Variants in KCNQ1 observed in about 807,000 individuals in gnomAD.
KCNQ1 encodes potassium voltage-gated channel subfamily KQT member 1.
In KCNQ1, 49 loss-of-function variants were observed where a neutral mutation model predicts 72.4. That is an observed-to-expected ratio of 0.68 (90% confidence interval 0.54 to 0.86). The LOEUF (loss-of-function observed/expected upper bound fraction) is 0.86. KCNQ1 is among the 40% of genes least tolerant of loss of function. The probability of loss-of-function intolerance (pLI) is 0.00; values close to 1 mark genes in which losing one functional copy is unlikely to be tolerated. For synonymous variants in KCNQ1, 450 were observed against 412.6 expected, an observed-to-expected ratio of 1.09 and a Z score of -1.10; for missense variants, 790 against 945.1, an observed-to-expected ratio of 0.84 and a Z score of 2.15.
In KCNQ1 at chr11:2,627,533, T is replaced by C; in HGVS notation, c.1394-34428T>C. Reference sequence around the variant, plus strand: ...TTCAAGCTTTTTAGAATTCCATATGTAACTGGGATAGTGCAGTATTTGTCT... The same window carrying C: ...TTCAAGCTTTTTAGAATTCCATATGCAACTGGGATAGTGCAGTATTTGTCT... On this transcript the variant is annotated intron_variant, in intron 10 of 15. Coordinates refer to ENST00000155840, the MANE Select transcript of KCNQ1 (RefSeq NM_000218.3). The surrounding 1 kb of genome is among the most constrained non-coding windows in gnomAD (Gnocchi z 4.9). 2 of 398,580 alleles carry C rather than the reference T, an allele frequency of 5.0e-6. No individual in the cohort carries two copies. The highest frequency in any genetic ancestry group is 8.8e-6 in the Non-Finnish European group (2 of 226,044). 24.7% of individuals were successfully genotyped at this position (398,580 alleles called of 1,614,324 possible). A position where few individuals can be genotyped will look rare whatever the true frequency, so the allele number is the denominator to read the frequency against.
At chr11:2,634,128 C>G (rs1225988946) in intron 10 of KCNQ1, 1 of 339,918 alleles carries the variant, frequency 2.9e-6, no homozygotes, top group Non-Finnish European at 4.9e-6. Flanking sequence ...TGAAGATTGT[C>G]TTTGGTATTT....
At chr11:2,667,174 T>G in intron 11 of KCNQ1, 1 of 398,706 alleles carries the variant, frequency 2.5e-6, no homozygotes. Context: ...GCTTCCAGCC[T>G]GCCATCAGCC....
At chr11:2,568,988 G>A (rs926657883) in intron 2 of KCNQ1, among the ~76,000 whole-genome samples, 22 of 152,252 alleles carry the variant, frequency 1.4e-4, no homozygotes, top group African/African-American at 4.1e-4. Flanking sequence ...GAGTTCAAGC[G>A]ATTCTCCTGC....
chr11:2,740,143 C>T (rs1846027167), intron 11 of KCNQ1, among the ~76,000 whole-genome samples: 1 of 151,998 alleles, frequency 6.6e-6, no homozygotes, highest in Non-Finnish European at 1.5e-5. Context: ...CCATGAGAAA[C>T]GTTAGAACTT....
At chr11:2,542,371 G>A (rs1204681296) in intron 2 of KCNQ1, among the ~76,000 whole-genome samples, 3 of 152,234 alleles carry the variant, frequency 2.0e-5, no homozygotes, top group African/African-American at 4.8e-5. Context: ...CCAAAGGCGC[G>A]CTAATTGCGA....
At position 2,559,238 on chromosome 11, in the gene KCNQ1, C is replaced by G. The variant is rs977102227; in HGVS notation, c.478-11390C>G. 6.6e-6 allele frequency among the ~76,000 whole-genome samples: 1 copy of G among 152,130 alleles called. No individual in the cohort carries two copies. Among genetic ancestry groups the G allele is most frequent in the African/African-American group, 2.4e-5 (1 of 41,434 alleles). Reference sequence around the variant, plus strand: ...TCCCGGGAAGCCCGTGGAGAGGATGCATTCGACACCCAAGGCCTTATGGAA... The same window carrying G: ...TCCCGGGAAGCCCGTGGAGAGGATGGATTCGACACCCAAGGCCTTATGGAA... On this transcript the variant is annotated intron_variant, in intron 2 of 15. Coordinates refer to ENST00000155840, the MANE Select transcript of KCNQ1 (RefSeq NM_000218.3). The surrounding 1 kb of genome is among the most constrained non-coding windows in gnomAD (Gnocchi z 4.9).
chr11:2,575,073 C>T (rs1391465825), intron 6 of KCNQ1, among the ~76,000 whole-genome samples: 4 of 152,186 alleles, frequency 2.6e-5, no homozygotes, highest in African/African-American at 4.8e-5. Flanking sequence ...CTGGCCCCGG[C>T]ACGGCTGATA....
At position 2,848,393 on chromosome 11, in the gene KCNQ1, A is replaced by G; in HGVS notation, c.*390A>G. 1 of 493,808 alleles carries G rather than the reference A, an allele frequency of 2.0e-6. No homozygotes were observed. Among genetic ancestry groups the G allele is most frequent in the Non-Finnish European group, 3.9e-6 (1 of 253,172 alleles). The allele number at this position is 493,808 out of a possible 1,614,324, so 30.6% of individuals were successfully genotyped here. A position where few individuals can be genotyped will look rare whatever the true frequency, so the allele number is the denominator to read the frequency against. On this transcript the variant is annotated 3_prime_UTR_variant, in exon 16 of 16. Transcript: ENST00000155840. ...TTGGCCCAGGGGGCTTCCTGAGGGG[A>G]GACAGAGCAACCCCTGGACCCCAGC...
At chr11:2,726,253 G>A (rs148201862) in intron 11 of KCNQ1, among the ~76,000 whole-genome samples, 2 of 152,226 alleles carry the variant, frequency 1.3e-5, no homozygotes, top group South Asian at 2.1e-4. Context: ...GTGTGCTGAC[G>A]TGGCAAGATG....
intron 11 of KCNQ1, chr11:2,680,404 T>C: frequency 2.5e-6 from 1 of 398,518 alleles, no homozygotes; most frequent in Non-Finnish European, 4.4e-6. Flanking sequence ...TCCATATTTT[T>C]TTAGATCTTT....
rs1845746046 is a variant in KCNQ1 at position 2,725,618 on chromosome 11, G to A, written c.1515-43226G>A. ...ACTTGCCCTCGCCCCCTTCCCGAAC[G>A]TACCCTTTCCATGAGGCTGGGCGCC... On this transcript the variant is annotated intron_variant, in intron 11 of 15. Coordinates refer to ENST00000155840, the MANE Select transcript of KCNQ1 (RefSeq NM_000218.3). This position sits in a 1 kb window ranked among gnomAD's most constrained non-coding sequence, Gnocchi z 7.2. 2.0e-5 allele frequency among the ~76,000 whole-genome samples: 3 copies of A among 152,122 alleles called. No individual in the cohort carries two copies. Among genetic ancestry groups the A allele is most frequent in the East Asian group, 3.9e-4 (2 of 5,190 alleles).
rs61870803 is a variant in KCNQ1 at position 2,678,399 on chromosome 11, C to T, written c.1514+16318C>T. ...CCAATTTGGTTTCCCATATATTTGT[C>T]CAGTTGTCCAACACTATTTATTTGA... is the stretch of plus-strand genomic sequence containing the variant. On this transcript the variant is annotated intron_variant, in intron 11 of 15. Transcript: ENST00000155840. This position sits in a 1 kb window ranked among gnomAD's most constrained non-coding sequence, Gnocchi z 4.9. 8.2e-4 allele frequency: 325 copies of T among 398,500 alleles called. 1 individual carries two copies. Among genetic ancestry groups the T allele is most frequent in the Non-Finnish European group, 1.3e-3 (286 of 226,040 alleles). 24.7% of individuals were successfully genotyped at this position (398,500 alleles called of 1,614,324 possible). A position where few individuals can be genotyped will look rare whatever the true frequency, so the allele number is the denominator to read the frequency against.
In KCNQ1 at chr11:2,798,549, GAAA is replaced by G. The variant is rs34275888; in HGVS notation, c.1794+20524_1794+20526del. Among the ~76,000 whole-genome samples the G allele has an allele frequency of 2.4e-4, 34 of 142,228 alleles. 1 individual carries two copies. The East Asian group carries it at 2.9e-3, about 12-fold the overall frequency. 93.3% of individuals were successfully genotyped at this position (142,228 alleles called of 152,430 possible). On this transcript the variant is annotated intron_variant, in intron 15 of 15. Transcript: ENST00000155840. The stretch of plus-strand genomic sequence containing the variant: ...ATGGCAAAATTATGCCGAGTTCCCT[GAAA>G]AAAAAAAAAAATACCCACTCTATTT...
Position 2,446,365 on chromosome 11 carries a change from T to C in KCNQ1, c.386+881T>C, listed in dbSNP as rs1456655977. Among the ~76,000 whole-genome samples the C allele has an allele frequency of 2.0e-5, 3 of 152,176 alleles. No individual in the cohort carries two copies. Among genetic ancestry groups the C allele is most frequent in the African/African-American group, 7.2e-5 (3 of 41,442 alleles). ...GCGGCCTTTTGGTGTGGTGCCAGCC[T>C]CTGGCCTGGGAGCCTCTACCCAGAC... On this transcript the variant is annotated intron_variant, in intron 1 of 15. Transcript: ENST00000155840. The surrounding 1 kb of genome is among the most constrained non-coding windows in gnomAD (Gnocchi z 8.8).
chr11:2,445,028 C>G lies in KCNQ1; in HGVS notation c.-71C>G, dbSNP rs1846013043. On this transcript the variant is annotated 5_prime_UTR_variant, in exon 1 of 16. Transcript: ENST00000155840. Reference sequence around the variant, plus strand: ...GCAGCAGTGGCTGCCCGCACTGCGCCCGGGCGCTCGCCTTCGCTGCAGCTC... The same window carrying G: ...GCAGCAGTGGCTGCCCGCACTGCGCGCGGGCGCTCGCCTTCGCTGCAGCTC... The G allele has an allele frequency of 5.0e-6, 5 of 1,005,374 alleles. No homozygotes were observed. The South Asian group carries it at 1.8e-4, about 37-fold the overall frequency. 62.3% of individuals were successfully genotyped at this position (1,005,374 alleles called of 1,614,324 possible).
chr11:2,744,495 G>A (rs57123772), intron 11 of KCNQ1, among the ~76,000 whole-genome samples: 150 of 152,342 alleles, frequency 9.8e-4, no homozygotes, highest in African/African-American at 3.2e-3. Context: ...TGCTCCTGAC[G>A]CAGAGCCGGC....
rs1356620025 is a variant in KCNQ1 at position 2,491,536 on chromosome 11, A to G, written c.387-36392A>G. On this transcript the variant is annotated intron_variant, in intron 1 of 15. Transcript: ENST00000155840. The surrounding 1 kb of genome is among the most constrained non-coding windows in gnomAD (Gnocchi z 4.1). ...TTGAAGACAGGATATTTGTAAATAC[A>G]CAGAGGAGACAGAATAAGAACGAAT... 6.6e-5 allele frequency among the ~76,000 whole-genome samples: 10 copies of G among 152,230 alleles called. No homozygotes were observed. The highest frequency in any genetic ancestry group is 2.2e-4 in the African/African-American group (9 of 41,456).
Position 2,477,217 on chromosome 11 carries a change from GGCAAAGTGTTCAA to G in KCNQ1, c.386+31735_386+31747del, listed in dbSNP as rs1846582561. 2.0e-5 allele frequency among the ~76,000 whole-genome samples: 3 copies of G among 152,194 alleles called. No homozygotes were observed. The highest frequency in any genetic ancestry group is 7.2e-5 in the African/African-American group (3 of 41,442). On this transcript the variant is annotated intron_variant, in intron 1 of 15. Transcript: ENST00000155840. This position sits in a 1 kb window ranked among gnomAD's most constrained non-coding sequence, Gnocchi z 5.0. ...GACATGGCACGTGGTGAAAATGCTTGGCAAAGTGTTCAAGGCAGGATGGAGATACCGTATGGGC... is the reference window on the plus strand; with the variant it reads ...GACATGGCACGTGGTGAAAATGCTTGGGCAGGATGGAGATACCGTATGGGC...
rs1024337815 is a variant in KCNQ1 at position 2,488,952 on chromosome 11, T to C, written c.387-38976T>C. ...AGTTAGGTTATTTACTGGAGATCTT[T>C]CTTGTTTATTAATGTAACAATTTAT... On this transcript the variant is annotated intron_variant, in intron 1 of 15. Coordinates refer to ENST00000155840, the MANE Select transcript of KCNQ1 (RefSeq NM_000218.3). The surrounding 1 kb of genome is among the most constrained non-coding windows in gnomAD (Gnocchi z 5.1). Among the ~76,000 whole-genome samples the C allele has an allele frequency of 2.1e-4, 32 of 152,328 alleles. No homozygotes were observed. Among genetic ancestry groups the C allele is most frequent in the Non-Finnish European group, 8.8e-5 (6 of 68,040 alleles).
Sources: allele counts gnomAD v4.1 joint callset (sites outside exome capture counted in the v4.1 genomes callset), GRCh38; gene constraint gnomAD v4.1.1; non-coding constraint Gnocchi (gnomAD v3.1); transcripts MANE v1.5; gene names NCBI Gene and HGNC (gene_info 2026-07-23, HGNC 2026-07-21).